The following PPP1R3E variants were observed in gnomAD, a reference collection of about 807,000 sequenced individuals.
The protein encoded by PPP1R3E is protein phosphatase 1, regulatory (inhibitor) subunit 3E.
A neutral mutation model predicts 18.5 loss-of-function variants in PPP1R3E; 20 were observed. The observed-to-expected ratio is 1.08, with a 90% confidence interval of 0.76 to 1.58. The LOEUF is 1.58. PPP1R3E is among the 40% of genes most tolerant of loss of function. The pLI, the probability that PPP1R3E is intolerant of heterozygous loss-of-function variation, is 0.00. For synonymous variants in PPP1R3E, 208 were observed against 208.1 expected, an observed-to-expected ratio of 1.00 and a Z score of 0.00; for missense variants, 498 against 460.2, an observed-to-expected ratio of 1.08 and a Z score of -0.75.
Position 23,301,627 on chromosome 14 carries a change from G to C in PPP1R3E, c.649C>G (p.Arg217Gly). ...AYAGPAPPPP[R>G]ADRFAFRLPA... is the part of the protein sequence containing the mutation. ...AGGCGGAAGGCGAAGCGGTCGGCGC[G>C]CGGCGGGGGCGGGGCCGGACCGGCG... is the stretch of plus-strand genomic sequence containing the variant. Residue 217 changes from arginine (R) to glycine (G), a missense_variant, in exon 2 of 5, where the codon CGC becomes GGC. Physicochemically the swap from Arg to Gly is moderately radical, Grantham distance 125. Coordinates refer to ENST00000452015, the MANE Select transcript of PPP1R3E (RefSeq NM_001276318.2). 1 of 1,388,868 alleles carries C rather than the reference G, an allele frequency of 7.2e-7. No homozygotes were observed. Among genetic ancestry groups the C allele is most frequent in the Non-Finnish European group, 9.3e-7 (1 of 1,072,704 alleles). 86.0% of individuals were successfully genotyped at this position (1,388,868 alleles called of 1,614,324 possible).
In PPP1R3E at chr14:23,302,285, G is replaced by A. The variant is rs1325949407; in HGVS notation, c.292C>T (p.Leu98=). The A allele has an allele frequency of 1.3e-6, 2 of 1,521,846 alleles. No homozygotes were observed. Among genetic ancestry groups the A allele is most frequent in the Admixed American group, 4.0e-5 (2 of 49,608 alleles). The allele number at this position is 1,521,846 out of a possible 1,614,324, so 94.3% of individuals were successfully genotyped here. ...VRFADALGLE[L]AVVRRFRPGE... ...GGACGGAAGCGGCGCACGACAGCCA[G>A]CTCCAACCCCAGTGCGTCGGCGAAA... The change falls in exon 1 of 5, where the codon CTG becomes TTG. Residue 98 remains leucine (L), a synonymous_variant. Coordinates refer to ENST00000452015, the MANE Select transcript of PPP1R3E (RefSeq NM_001276318.2).
chr14:23,302,325 G>C lies in PPP1R3E; in HGVS notation c.252C>G (p.Thr84=). The C allele has an allele frequency of 6.6e-7, 1 of 1,515,168 alleles. No homozygotes were observed. The highest frequency in any genetic ancestry group is 8.8e-7 in the Non-Finnish European group (1 of 1,139,864). 93.9% of individuals were successfully genotyped at this position (1,515,168 alleles called of 1,614,324 possible). The change falls in exon 1 of 5, where the codon ACC becomes ACG. Residue 84 remains threonine (T), a synonymous_variant. Coordinates refer to ENST00000452015, the MANE Select transcript of PPP1R3E (RefSeq NM_001276318.2). ...ARAPRSRSPD[T]RKRVRFADAL... ...CGTCGGCGAAACGCACTCTCTTGCG[G>C]GTGTCTGGGCTACGGCTGCGGGGCG...
chr14:23,302,224 A>C lies in PPP1R3E; in HGVS notation c.353T>G (p.Ile118Ser). Residue 118 changes from isoleucine to serine, a missense_variant, in exon 1 of 5, where the codon ATC becomes AGC. Physicochemically the swap from Ile to Ser is moderately radical, Grantham distance 142 (BLOSUM62 -2). Transcript: ENST00000452015. ...ELPRVPRHVQ[I>S]QLQRDALRHF... The stretch of plus-strand genomic sequence containing the variant: ...GCGGAGGGCGTCCCTCTGCAATTGG[A>C]TCTGCACGTGGCGGGGCACCCGGGG... The C allele has an allele frequency of 6.7e-7, 1 of 1,503,742 alleles. No individual in the cohort carries two copies. Among genetic ancestry groups the C allele is most frequent in the Non-Finnish European group, 8.8e-7 (1 of 1,134,464 alleles). The allele number at this position is 1,503,742 out of a possible 1,614,324, so 93.1% of individuals were successfully genotyped here. A position where few individuals can be genotyped will look rare whatever the true frequency, so the allele number is the denominator to read the frequency against.
At chr14:23,299,623 TA>T (rs1243678688) in intron 3 of PPP1R3E, 82 bp from the exon 4 acceptor site, 3 of 150,398 alleles carry the variant, frequency 2.0e-5, no homozygotes, top group African/African-American at 7.3e-5. Context: ...GTAAATACCC[TA>T]TATGTTAAAA....
rs903005677 is a variant in PPP1R3E, at chr14:23,301,836, G to A, written c.440C>T (p.Pro147Leu). ...GLQEARAALE[P>L]ASEPGFAARL... The stretch of plus-strand genomic sequence containing the variant: ...GGCGGCGAAGCCGGGCTCGCTGGCC[G>A]GCTCCAGGGCGGCGCGCGCCTCCTG... The change falls in exon 2 of 5, where the codon CCG becomes CTG. Residue 147 changes from proline to leucine, a missense_variant. Coordinates refer to ENST00000452015, the MANE Select transcript of PPP1R3E (RefSeq NM_001276318.2). 1.1e-5 allele frequency: 16 copies of A among 1,463,860 alleles called. No individual in the cohort carries two copies. Among genetic ancestry groups the A allele is most frequent in the East Asian group, 3.0e-5 (1 of 33,492 alleles). 90.7% of individuals were successfully genotyped at this position (1,463,860 alleles called of 1,614,324 possible). A position where few individuals can be genotyped will look rare whatever the true frequency, so the allele number is the denominator to read the frequency against.
At position 23,301,331 on chromosome 14, in the gene PPP1R3E, C is replaced by A; in HGVS notation, c.*105G>T. Reference sequence around the variant, plus strand: ...CCCTCCCCGGCTTGACTCCCTTGGACCGCTCCCGCCAATCCTGGTCTCTCC... The same window carrying A: ...CCCTCCCCGGCTTGACTCCCTTGGAACGCTCCCGCCAATCCTGGTCTCTCC... On this transcript the variant is annotated 3_prime_UTR_variant, in exon 2 of 5. Transcript: ENST00000452015. 2 of 1,048,968 alleles carry A rather than the reference C, an allele frequency of 1.9e-6. No individual in the cohort carries two copies. Among genetic ancestry groups the A allele is most frequent in the Non-Finnish European group, 2.3e-6 (2 of 864,798 alleles). The allele number at this position is 1,048,968 out of a possible 1,614,324, so 65.0% of individuals were successfully genotyped here. A position where few individuals can be genotyped will look rare whatever the true frequency, so the allele number is the denominator to read the frequency against.
rs534309814 is a variant in PPP1R3E at position 23,297,771 on chromosome 14, G to C, written c.*1533C>G. 1 of 152,304 alleles carries C rather than the reference G, an allele frequency of 6.6e-6. No homozygotes were observed. The highest frequency in any genetic ancestry group is 1.9e-4 in the East Asian group (1 of 5,190). 9.4% of individuals were successfully genotyped at this position (152,304 alleles called of 1,614,324 possible). On this transcript the variant is annotated 3_prime_UTR_variant, in exon 5 of 5. Coordinates refer to ENST00000452015, the MANE Select transcript of PPP1R3E (RefSeq NM_001276318.2). ...CGAAGCCCTGGGGCAGCTTGATATG[G>C]GAATAATCAAGACCAAAATGTTGTT... is the stretch of plus-strand genomic sequence containing the variant.
Position 23,296,048 on chromosome 14 carries a change from G to A in PPP1R3E, c.*3256C>T, listed in dbSNP as rs1886870080. On this transcript the variant is annotated 3_prime_UTR_variant, in exon 5 of 5. Coordinates refer to ENST00000452015, the MANE Select transcript of PPP1R3E (RefSeq NM_001276318.2). ...GGCCAAGTACACAGGGTTGCACTGT[G>A]AAGGAACTGAGGAGGTTCTGGGAGG... is the stretch of plus-strand genomic sequence containing the variant. The A allele has an allele frequency of 6.6e-6, 1 of 152,348 alleles. No homozygotes were observed. The highest frequency in any genetic ancestry group is 1.5e-5 in the Non-Finnish European group (1 of 68,126). 9.4% of individuals were successfully genotyped at this position (152,348 alleles called of 1,614,324 possible).
At position 23,301,877 on chromosome 14, in the gene PPP1R3E, GGGA is replaced by G; in HGVS notation, c.418-22_418-20del. 1 of 1,421,092 alleles carries G rather than the reference GGGA, an allele frequency of 7.0e-7. No individual in the cohort carries two copies. Among genetic ancestry groups the G allele is most frequent in the Non-Finnish European group, 9.1e-7 (1 of 1,098,240 alleles). 88.0% of individuals were successfully genotyped at this position (1,421,092 alleles called of 1,614,324 possible). A position where few individuals can be genotyped will look rare whatever the true frequency, so the allele number is the denominator to read the frequency against. On this transcript the variant is annotated intron_variant, in intron 1 of 4. Transcript: ENST00000452015. ...GCGCCTCCTGGGGGAAAGAAGAAGC[GGGA>G]GGAGGGAGCCCAGGGCGGAGAGAGG...
chr14:23,295,704 G>A lies in PPP1R3E; in HGVS notation c.*3600C>T. On this transcript the variant is annotated 3_prime_UTR_variant, in exon 5 of 5. Transcript: ENST00000452015. ...AATTTTTAATGTAAATGTAGGTGGG[G>A]AAGTAAAGCATTAATGCAAGTCAAA... 1 of 208,080 alleles carries A rather than the reference G, an allele frequency of 4.8e-6. No homozygotes were observed. The highest frequency in any genetic ancestry group is 9.6e-6 in the Non-Finnish European group (1 of 104,032). The allele number at this position is 208,080 out of a possible 1,614,324, so 12.9% of individuals were successfully genotyped here.
At position 23,297,147 on chromosome 14, in the gene PPP1R3E, T is replaced by C. The variant is rs534344703; in HGVS notation, c.*2157A>G. On this transcript the variant is annotated 3_prime_UTR_variant, in exon 5 of 5. Coordinates refer to ENST00000452015, the MANE Select transcript of PPP1R3E (RefSeq NM_001276318.2). The stretch of plus-strand genomic sequence containing the variant: ...TTCCCAGTCCACAGCTGACATGTTA[T>C]ATTCCAAATTGCTCCTGTTCATATA... 3.3e-5 allele frequency: 5 copies of C among 152,304 alleles called. No individual in the cohort carries two copies. In the East Asian group the frequency reaches 9.6e-4, roughly 29 times the overall value. 9.4% of individuals were successfully genotyped at this position (152,304 alleles called of 1,614,324 possible).
intron 1 of PPP1R3E, 45 bp from the exon 2 acceptor site, chr14:23,301,903 A>T: frequency 7.1e-7 from 1 of 1,401,542 alleles, no homozygotes; most frequent in Non-Finnish European, 9.2e-7. Context: ...GGGCGGAGAG[A>T]GGGGAGAGAC....
chr14:23,299,215 C>T (rs936655331), intron 4 of PPP1R3E, among the ~76,000 whole-genome samples, 186 bp downstream of exon 4: 4 of 152,210 alleles, frequency 2.6e-5, no homozygotes, highest in African/African-American at 2.4e-5. Flanking sequence ...ATCCACCTAA[C>T]TCAGCCTCCC....
chr14:23,302,060 A>T (rs1031679049), intron 1 of PPP1R3E, 100 bp downstream of exon 1: 1 of 1,305,028 alleles, frequency 7.7e-7, no homozygotes, highest in Non-Finnish European at 1.0e-6. Context: ...AAGCCCAGGG[A>T]TGGGATGGAG....
intron 1 of PPP1R3E, 129 bp from the exon 2 acceptor site, chr14:23,301,987 C>A: frequency 7.9e-7 from 1 of 1,263,248 alleles, no homozygotes; most frequent in Non-Finnish European, 1.0e-6. Context: ...AGAGTGCGGC[C>A]CAGCTGCCAG....
chr14:23,301,494 G>A lies in PPP1R3E; in HGVS notation c.782C>T (p.Pro261Leu). The A allele has an allele frequency of 6.8e-7, 1 of 1,481,048 alleles. No homozygotes were observed. Among genetic ancestry groups the A allele is most frequent in the Non-Finnish European group, 8.9e-7 (1 of 1,119,442 alleles). The allele number at this position is 1,481,048 out of a possible 1,614,324, so 91.7% of individuals were successfully genotyped here. A position where few individuals can be genotyped will look rare whatever the true frequency, so the allele number is the denominator to read the frequency against. The change falls in exon 2 of 5, where the codon CCC (proline) becomes CTC (leucine). Residue 261 changes from proline to leucine, a missense_variant. Transcript: ENST00000452015. ...AGCTCCGCCACTGCCCGGGTGCTCG[G>A]GCCCACGTAGAGCATAGTCACGGCC... ...NGGRDYALRG[P>L]EHPGSGGAPE...
intron 3 of PPP1R3E, among the ~76,000 whole-genome samples, chr14:23,299,807 C>A (rs945139689): frequency 6.6e-6 from 1 of 151,792 alleles, no homozygotes; most frequent in African/African-American, 2.4e-5. Context: ...TTATATAAGG[C>A]ATGAATGTGA....
chr14:23,299,166 A>G (rs1455708624), intron 4 of PPP1R3E, among the ~76,000 whole-genome samples: 1 of 152,156 alleles, frequency 6.6e-6, no homozygotes, highest in Non-Finnish European at 1.5e-5. Flanking sequence ...GGGTTTCAGT[A>G]TGTTGGCCAG....
chr14:23,295,842 G>A lies in PPP1R3E; in HGVS notation c.*3462C>T, dbSNP rs1165208919. On this transcript the variant is annotated 3_prime_UTR_variant, in exon 5 of 5. Coordinates refer to ENST00000452015, the MANE Select transcript of PPP1R3E (RefSeq NM_001276318.2). ...AAGGTGACCAAGAAATTGAGTCAAG[G>A]AGGGAATCTTGCCTCTGAGTCTCTT... 2 of 153,924 alleles carry A rather than the reference G, an allele frequency of 1.3e-5. No individual in the cohort carries two copies. The highest frequency in any genetic ancestry group is 2.9e-5 in the Non-Finnish European group (2 of 69,054). 9.5% of individuals were successfully genotyped at this position (153,924 alleles called of 1,614,324 possible). A position where few individuals can be genotyped will look rare whatever the true frequency, so the allele number is the denominator to read the frequency against.
Sources: gnomAD v4.1 joint callset for allele counts (sites outside exome capture counted in the v4.1 genomes callset) on GRCh38, gnomAD v4.1.1 for gene constraint, MANE v1.5 for transcripts, NCBI Gene and HGNC (gene_info 2026-07-23, HGNC 2026-07-21) for gene names.